The following ATRX variants were observed in gnomAD, a reference collection of about 807,000 sequenced individuals.
ATRX encodes chromatin remodeler ATRX.
Under a neutral mutation model 172.6 loss-of-function variants are expected in ATRX, and 12 were observed. The ratio of observed to expected loss-of-function variants is 0.07; its 90% confidence interval spans 0.04 to 0.11. The LOEUF (loss-of-function observed/expected upper bound fraction) is 0.11. ATRX is among the 10% of genes least tolerant of loss of function. The pLI, the probability that ATRX is intolerant of heterozygous loss-of-function variation, is 1.00. For missense variants in ATRX, 1,368 were observed against 1,767.4 expected, an observed-to-expected ratio of 0.77 and a Z score of 4.05; for synonymous variants, 674 against 594.7, an observed-to-expected ratio of 1.13 and a Z score of -1.94.
chrX:77,543,895 T>C (rs996996786), intron 30 of ATRX, among the ~76,000 whole-genome samples: 1 of 109,427 alleles, frequency 9.1e-6, no homozygotes, highest in South Asian at 4.0e-4. Flanking sequence ...CACTATGGCA[T>C]GTGTATAACT....
chrX:77,535,725 CTTTT>C (rs1195594389), intron 30 of ATRX, among the ~76,000 whole-genome samples: 1 of 106,305 alleles, frequency 9.4e-6, no homozygotes, highest in Admixed American at 1.0e-4. Context: ...TAAATTATGT[CTTTT>C]TTTTTTGAGA....
chrX:77,578,793 T>C (rs782373388), intron 27 of ATRX, among the ~76,000 whole-genome samples: 21 of 112,153 alleles, frequency 1.9e-4, no homozygotes, highest in African/African-American at 6.1e-4. Context: ...TCTAGCAGTG[T>C]AGCTACCAGG....
At chrX:77,527,438 C>T (rs2063418350) in intron 30 of ATRX, among the ~76,000 whole-genome samples, 1 of 112,030 alleles carries the variant, frequency 8.9e-6, no homozygotes, top group Admixed American at 9.4e-5. Flanking sequence ...TTGTGCAACC[C>T]GCTCAGGAAG....
Position 77,664,926 on chromosome X carries a change from G to GT in ATRX, c.3810-149dup, listed in dbSNP as rs781848086. ...GTAAATAAACAACTAGCAAAACCATGTTTTAACCTAAGCTATAAACAAAAA... is the reference window on the plus strand; with the variant it reads ...GTAAATAAACAACTAGCAAAACCATGTTTTTAACCTAAGCTATAAACAAAAA... On this transcript the variant is annotated intron_variant, in intron 10 of 34. Transcript: ENST00000373344. 1.6e-4 allele frequency: 93 copies of GT among 575,250 alleles called. 1 individual carries two copies. The South Asian group carries it at 3.1e-3, about 19-fold the overall frequency. The allele number at this position is 575,250 out of a possible 1,213,427, so 47.4% of individuals were successfully genotyped here.
At position 77,593,798 on chromosome X, in the gene ATRX, T is replaced by C; in HGVS notation, c.6008A>G (p.Lys2003Arg). 1.7e-6 allele frequency: 2 copies of C among 1,210,471 alleles called. No individual in the cohort carries two copies. The highest frequency in any genetic ancestry group is 2.2e-6 in the Non-Finnish European group (2 of 894,450). Residue 2003 changes from lysine to arginine, a missense_variant, in exon 26 of 35, where the codon AAA (lysine) becomes AGA (arginine). Physicochemically the swap from Lys to Arg is conservative, Grantham distance 26. Transcript: ENST00000373344. Reference protein sequence around the residue: ...NPSSPAPDWYKDFVTDADAEV... With the variant: ...NPSSPAPDWYRDFVTDADAEV... ...AGCATCAGCATCTGTAACAAAATCT[T>C]TGTACCAGTCTGGAGCTGGGCTGCT...
chrX:77,703,023 C>A (rs1427863121), intron 2 of ATRX, among the ~76,000 whole-genome samples: 1 of 112,527 alleles, frequency 8.9e-6, no homozygotes, highest in Non-Finnish European at 1.9e-5. Flanking sequence ...CACCGCACCT[C>A]GCCAGTGATA....
chrX:77,719,285 A>G (rs1557167359), intron 1 of ATRX, among the ~76,000 whole-genome samples: 1 of 111,539 alleles, frequency 9.0e-6, no homozygotes, highest in Non-Finnish European at 1.9e-5. Context: ...TAAATGGGGA[A>G]AAGACTTAGA....
At chrX:77,595,046 T>A (rs2066425310) in intron 25 of ATRX, 1 of 112,128 alleles carries the variant, frequency 8.9e-6, no homozygotes. Flanking sequence ...AGTATATTTT[T>A]CTTAAATATT....
chrX:77,593,473 G>A (rs781850572), intron 26 of ATRX, among the ~76,000 whole-genome samples: 1 of 111,019 alleles, frequency 9.0e-6, no homozygotes, highest in East Asian at 2.8e-4. Context: ...GTTGCAATAG[G>A]TAGAAGCAGA....
intron 34 of ATRX, among the ~76,000 whole-genome samples, chrX:77,514,851 T>C (rs1602333590): frequency 8.9e-6 from 1 of 111,769 alleles, no homozygotes; most frequent in Admixed American, 9.4e-5. Context: ...TGCAGAAAAG[T>C]TTTGCAAACT....
intron 1 of ATRX, among the ~76,000 whole-genome samples, chrX:77,745,268 CAA>C (rs1488534482): frequency 9.3e-6 from 1 of 107,246 alleles, no homozygotes; most frequent in Non-Finnish European, 1.9e-5. Flanking sequence ...ATCAGTATAT[CAA>C]AGAGTTATCT....
chrX:77,667,117 A>G (rs1166125173), intron 10 of ATRX, among the ~76,000 whole-genome samples: 1 of 110,873 alleles, frequency 9.0e-6, no homozygotes, highest in African/African-American at 3.3e-5. Context: ...TGTCCCTAAA[A>G]AAGACTAGAA....
intron 1 of ATRX, among the ~76,000 whole-genome samples, chrX:77,768,441 AC>A (rs201290046): frequency 0.054 from 6,061 of 112,209 alleles, 397 homozygotes; most frequent in African/African-American, 0.19. Flanking sequence ...TGAAAAACTT[AC>A]GAATAAAAGG....
chrX:77,545,676 G>T (rs1300431673), intron 30 of ATRX, among the ~76,000 whole-genome samples: 1 of 111,522 alleles, frequency 9.0e-6, no homozygotes, highest in Non-Finnish European at 1.9e-5. Context: ...AGATATGGAG[G>T]CTAGAAGAGC....
intron 21 of ATRX, among the ~76,000 whole-genome samples, chrX:77,617,283 C>T (rs1557097374): frequency 8.9e-6 from 1 of 111,743 alleles, no homozygotes; most frequent in Non-Finnish European, 1.9e-5. Flanking sequence ...AACAGAACAC[C>T]AATGTGCTAA....
rs536464831 is a variant in ATRX at position 77,693,036 on chromosome X, G to A, written c.484+788C>T. On this transcript the variant is annotated intron_variant, in intron 6 of 34. Transcript: ENST00000373344. The stretch of plus-strand genomic sequence containing the variant: ...AGAATAGCTAGGACTACAGGCATGC[G>A]CCGCTATGTCCAGCTGATATTTTTA... 7.2e-5 allele frequency among the ~76,000 whole-genome samples: 8 copies of A among 110,856 alleles called. No homozygotes were observed. The South Asian group carries it at 1.1e-3, about 16-fold the overall frequency.
At chrX:77,675,932 A>AATT (rs2070842807) in intron 10 of ATRX, 2 of 205,046 alleles carry the variant, frequency 9.8e-6, no homozygotes, top group Non-Finnish European at 9.0e-6. Context: ...TGTCAAAATA[A>AATT]ATTATTCCAA....
chrX:77,571,042 T>TA (rs1333582408), intron 28 of ATRX, among the ~76,000 whole-genome samples: 2 of 105,002 alleles, frequency 1.9e-5, no homozygotes, highest in Non-Finnish European at 3.9e-5. Flanking sequence ...ACTCCTAAAA[T>TA]AAAAAACAGT....
chrX:77,520,656 C>T, intron 34 of ATRX, 132 bp downstream of exon 34: 1 of 728,382 alleles, frequency 1.4e-6, no homozygotes, highest in South Asian at 3.5e-5. Flanking sequence ...TTTTACATTT[C>T]TTCCAGAATT....
Sources: gnomAD v4.1 joint callset for allele counts (sites outside exome capture counted in the v4.1 genomes callset) on GRCh38, gnomAD v4.1.1 for gene constraint, MANE v1.5 for transcripts, NCBI Gene and HGNC (gene_info 2026-07-23, HGNC 2026-07-21) for gene names.